Variants in OTOGL observed in about 807,000 individuals in gnomAD.
OTOGL encodes otogelin like, also known as otogelin-like protein.
Under a neutral mutation model 318.5 loss-of-function variants are expected in OTOGL, and 285 were observed. The ratio of observed to expected loss-of-function variants is 0.89; its 90% CI spans 0.81 to 0.99. OTOGL has a LOEUF of 0.99. Ranked by LOEUF, OTOGL falls within the 50% of genes least tolerant of loss-of-function variation. OTOGL has a pLI of 0.00. For missense variants in OTOGL, 2,899 were observed against 2,845.6 expected, an observed-to-expected ratio of 1.02 and a Z score of -0.43; for synonymous variants, 987 against 936.5, an observed-to-expected ratio of 1.05 and a Z score of -0.99.
chr12:80,161,947 A>G (rs1221786999), intron 1 of OTOGL, among the ~76,000 whole-genome samples: 1 of 152,192 alleles, frequency 6.6e-6, no homozygotes, highest in East Asian at 1.9e-4. Flanking sequence ...GCTCTTCAAA[A>G]CAAAAGCTTT....
chr12:80,366,498 TTATATATATAGGTTATA>T (rs1220151546), intron 52 of OTOGL, 59 bp from the exon 53 acceptor site: 3 of 143,916 alleles, frequency 2.1e-5, no homozygotes, highest in Non-Finnish European at 3.6e-5. Flanking sequence ...ATCAATTGTT[TTATATATATAGGTTATA>T]TATATATATA....
At chr12:80,168,634 T>G (rs992111712) in intron 1 of OTOGL, among the ~76,000 whole-genome samples, 2 of 152,196 alleles carry the variant, frequency 1.3e-5, no homozygotes, top group Non-Finnish European at 2.9e-5. Context: ...TGTGAAGTAA[T>G]AAGTAACTTT....
intron 1 of OTOGL, among the ~76,000 whole-genome samples, chr12:80,157,650 C>A (rs1226156344): frequency 6.6e-6 from 1 of 152,248 alleles, no homozygotes; most frequent in African/African-American, 2.4e-5. Flanking sequence ...ATATGGATAT[C>A]CAGTTTTCCC....
intron 26 of OTOGL, among the ~76,000 whole-genome samples, chr12:80,282,104 T>A (rs1884274741): frequency 6.6e-6 from 1 of 151,856 alleles, no homozygotes; most frequent in South Asian, 2.1e-4. Flanking sequence ...ATACTCAAAT[T>A]TTAGGCATTA....
At chr12:80,154,676 A>C (rs1873006196) in intron 1 of OTOGL, among the ~76,000 whole-genome samples, 1 of 152,218 alleles carries the variant, frequency 6.6e-6, no homozygotes, top group South Asian at 2.1e-4. Flanking sequence ...ATACTATATT[A>C]ATTCATTCAC....
chr12:80,231,470 C>T (rs1300072049), intron 8 of OTOGL, among the ~76,000 whole-genome samples: 1 of 151,820 alleles, frequency 6.6e-6, no homozygotes, highest in Non-Finnish European at 1.5e-5. Context: ...AATTAGTATG[C>T]TCAGTTTTGT....
chr12:80,345,052 G>T (rs1979134), intron 44 of OTOGL, among the ~76,000 whole-genome samples: 57 of 61,238 alleles, frequency 9.3e-4, no homozygotes, highest in Middle Eastern at 8.9e-3. Flanking sequence ...ATTATTATAT[G>T]TTATATTTTA....
At chr12:80,334,586 A>G (rs1888279610) in intron 38 of OTOGL, among the ~76,000 whole-genome samples, 1 of 152,186 alleles carries the variant, frequency 6.6e-6, no homozygotes, top group African/African-American at 2.4e-5. Flanking sequence ...GGTTGAGAGA[A>G]GATGACAGAC....
At chr12:80,284,607 A>G (rs1020021789) in intron 26 of OTOGL, among the ~76,000 whole-genome samples, 2 of 152,018 alleles carry the variant, frequency 1.3e-5, no homozygotes, top group African/African-American at 4.8e-5. Context: ...TGTGGTTTTG[A>G]TTTGCATTTC....
At position 80,320,523 on chromosome 12, in the gene OTOGL, G is replaced by C; in HGVS notation, c.3904G>C (p.Ala1302Pro). The C allele has an allele frequency of 6.2e-7, 1 of 1,613,610 alleles. No individual in the cohort carries two copies. The part of the protein sequence containing the change: ...LSLELWEANS[A>P]FHRRATFFHH... ...CTTGGAGCTGTGGGAGGCGAATTCA[G>C]CCTTTCATCGGAGAGCAACATTTTT... The change falls in exon 34 of 59, where the codon GCC becomes CCC. Residue 1302 changes from alanine (A) to proline (P), a missense_variant. Ala to Pro is a conservative substitution (Grantham distance 27, BLOSUM62 -1). This residue lies in a region of OTOGL where 2,607 missense variants were observed against 2,524.9 expected (regional missense o/e 1.03). Coordinates refer to ENST00000547103, the MANE Select transcript of OTOGL (RefSeq NM_001378609.3).
Position 80,229,239 on chromosome 12 carries a change from T to G in OTOGL, c.490-18T>G. 6.3e-7 allele frequency: 1 copy of G among 1,592,242 alleles called. No individual in the cohort carries two copies. The highest frequency in any genetic ancestry group is 8.5e-7 in the Non-Finnish European group (1 of 1,174,422). On this transcript the variant is annotated intron_variant, in intron 7 of 58. Coordinates refer to ENST00000547103, the MANE Select transcript of OTOGL (RefSeq NM_001378609.3). Reference sequence around the variant, plus strand: ...ATTGTTTGTTCCTATGCTTTCTTTTTGTTTTTCTCCCTTTAAGGTTCATAA... The same window carrying G: ...ATTGTTTGTTCCTATGCTTTCTTTTGGTTTTTCTCCCTTTAAGGTTCATAA...
intron 7 of OTOGL, 119 bp downstream of exon 7, chr12:80,222,364 G>A: frequency 9.3e-7 from 1 of 1,075,498 alleles, no homozygotes; most frequent in South Asian, 1.9e-5. Context: ...TACTTATTTT[G>A]AAGAGGGTCT....
chr12:80,379,076 T>A lies in OTOGL; in HGVS notation c.*1028T>A, dbSNP rs1262409004. The A allele has an allele frequency of 1.3e-5, 2 of 152,496 alleles. No individual in the cohort carries two copies. The highest frequency in any genetic ancestry group is 4.8e-5 in the African/African-American group (2 of 41,448). 9.4% of individuals were successfully genotyped at this position (152,496 alleles called of 1,614,324 possible). The stretch of plus-strand genomic sequence containing the variant: ...GAAGAATGAAATAAATTTATCTGAA[T>A]GTATCAATAACTTTAAAATGGAATG... On this transcript the variant is annotated 3_prime_UTR_variant, in exon 59 of 59. Transcript: ENST00000547103.
chr12:80,263,804 A>T (rs950941463), intron 19 of OTOGL, among the ~76,000 whole-genome samples: 20 of 151,978 alleles, frequency 1.3e-4, no homozygotes, highest in African/African-American at 4.8e-4. Context: ...TTTCATGAGG[A>T]TCTTCTTTAG....
intron 1 of OTOGL, among the ~76,000 whole-genome samples, chr12:80,113,491 G>A (rs1488758117): frequency 6.6e-6 from 1 of 152,014 alleles, no homozygotes; most frequent in African/African-American, 2.4e-5. Context: ...ATTTATTTCT[G>A]CCTTAATTTC....
At chr12:80,343,509 GTTTTTTTTTT>G (rs58046272) in intron 44 of OTOGL, 13 of 35,868 alleles carry the variant, frequency 3.6e-4, no homozygotes, top group Non-Finnish European at 5.5e-4. Context: ...TTTTATTCTT[GTTTTTTTTTT>G]TTTTTTTTTT....
At chr12:80,313,325 A>T (rs950627312) in intron 30 of OTOGL, 151 bp from the exon 31 acceptor site, 2 of 655,644 alleles carry the variant, frequency 3.1e-6, no homozygotes, top group Non-Finnish European at 5.1e-6. Context: ...TCCTTTGGGC[A>T]ATAAAGAGGC....
At chr12:80,144,218 C>G (rs986998900) in intron 1 of OTOGL, among the ~76,000 whole-genome samples, 3 of 152,154 alleles carry the variant, frequency 2.0e-5, no homozygotes, top group African/African-American at 7.2e-5. Flanking sequence ...CCCCCCACCC[C>G]ACAACAGTCC....
At chr12:80,336,287 A>G in intron 39 of OTOGL, 126 bp from the exon 40 acceptor site, 7 of 1,355,858 alleles carry the variant, frequency 5.2e-6, no homozygotes, top group Non-Finnish European at 5.8e-6. Context: ...CTCACAGTAT[A>G]TAACTTTTAG....
Sources: allele counts gnomAD v4.1 joint callset (sites outside exome capture counted in the v4.1 genomes callset), GRCh38; gene constraint gnomAD v4.1.1; regional missense constraint gnomAD v4.1.1; transcripts MANE v1.5; gene names NCBI Gene and HGNC (gene_info 2026-07-23, HGNC 2026-07-21).